The following CNTN6 variants were observed in gnomAD, a reference collection of about 807,000 sequenced individuals.
The protein encoded by CNTN6 is contactin-6.
In CNTN6, 137 loss-of-function variants were observed where a neutral mutation model predicts 122.8. That is an observed-to-expected ratio of 1.12 (90% CI 0.97 to 1.29). The LOEUF (loss-of-function observed/expected upper bound fraction) is 1.29. Ranked by LOEUF, CNTN6 falls within the 50% of genes most tolerant of loss-of-function variation. The pLI is 0.00. For synonymous variants in CNTN6, 570 were observed against 426.0 expected (o/e 1.34, Z -4.16); for missense variants, 1,634 against 1,223.4 (o/e 1.34, Z -5.01).
At chr3:1,389,100 A>T (rs1427965607) in intron 20 of CNTN6, among the ~76,000 whole-genome samples, 1 of 145,508 alleles carries the variant, frequency 6.9e-6, no homozygotes, top group African/African-American at 2.5e-5. Context: ...CAACTCCAAG[A>T]CACATAATTG....
At chr3:1,174,439 A>G (rs1018026805) in intron 2 of CNTN6, among the ~76,000 whole-genome samples, 3 of 152,192 alleles carry the variant, frequency 2.0e-5, no homozygotes, top group African/African-American at 7.2e-5. Context: ...GAAATTTTTT[A>G]GCAGCATCTC....
intron 4 of CNTN6, among the ~76,000 whole-genome samples, chr3:1,275,054 A>G (rs549349422): frequency 3.6e-4 from 55 of 152,272 alleles, no homozygotes; most frequent in African/African-American, 1.3e-3. Context: ...ATCTTTTACA[A>G]GCACATATAA....
intron 1 of CNTN6, among the ~76,000 whole-genome samples, chr3:1,145,124 G>A (rs2125157643): frequency 6.6e-6 from 1 of 152,170 alleles, no homozygotes; most frequent in South Asian, 2.1e-4. Flanking sequence ...CCATGAAGGG[G>A]AACTGAAAGT....
intron 4 of CNTN6, among the ~76,000 whole-genome samples, chr3:1,261,066 T>C (rs1480701301): frequency 6.6e-6 from 1 of 152,130 alleles, no homozygotes; most frequent in Admixed American, 6.5e-5. Flanking sequence ...TAGAGAAACA[T>C]TGGTTTGCCA....
chr3:1,322,208 T>A (rs751153462), intron 8 of CNTN6, among the ~76,000 whole-genome samples: 1 of 151,702 alleles, frequency 6.6e-6, no homozygotes, highest in Non-Finnish European at 1.5e-5. Flanking sequence ...ATGAAAAAAA[T>A]TGATAGGAAA....
chr3:1,104,820 T>A (rs933243328), intron 1 of CNTN6, among the ~76,000 whole-genome samples: 1 of 152,138 alleles, frequency 6.6e-6, no homozygotes, highest in Admixed American at 6.5e-5. Flanking sequence ...TATAGCTTGT[T>A]TTTATTAATT....
chr3:1,169,941 A>G (rs1480574253), intron 2 of CNTN6, among the ~76,000 whole-genome samples: 5 of 152,160 alleles, frequency 3.3e-5, no homozygotes, highest in Non-Finnish European at 7.3e-5. Context: ...TTTATTAGAA[A>G]AAGAATACTT....
rs143264075 is a variant in CNTN6, at chr3:1,110,297, A to G, written c.-83+17177A>G. ...AAAACATATCCAACTCTGCTAAACAATGGAAGAATCTAATCTTTTTTTGAT... is the reference window on the plus strand; with the variant it reads ...AAAACATATCCAACTCTGCTAAACAGTGGAAGAATCTAATCTTTTTTTGAT... On this transcript the variant is annotated intron_variant, in intron 1 of 22. Transcript: ENST00000446702. Among the ~76,000 whole-genome samples, 82 of 152,302 alleles carry G rather than the reference A, an allele frequency of 5.4e-4. 1 individual carries two copies. The highest frequency in any genetic ancestry group is 1.9e-3 in the African/African-American group (80 of 41,590).
chr3:1,184,485 T>G (rs1391518513), intron 2 of CNTN6, among the ~76,000 whole-genome samples: 1 of 152,186 alleles, frequency 6.6e-6, no homozygotes, highest in African/African-American at 2.4e-5. Context: ...TCTTTGAGAT[T>G]AGTATGTATC....
In CNTN6 at chr3:1,202,153, T is replaced by C. The variant is rs532065792; in HGVS notation, c.56-18534T>C. Among the ~76,000 whole-genome samples, 204 of 152,298 alleles carry C rather than the reference T, an allele frequency of 1.3e-3. 2 individuals carry two copies. Among genetic ancestry groups the C allele is most frequent in the African/African-American group, 4.7e-3 (195 of 41,564 alleles). On this transcript the variant is annotated intron_variant, in intron 2 of 22. Coordinates refer to ENST00000446702, the MANE Select transcript of CNTN6 (RefSeq NM_001289080.2). ...CTTATTTCTCTTGTCTGTTTCCCTA[T>C]GGTGAAAAACATAGAAACATGTTGA... is the stretch of plus-strand genomic sequence containing the variant.
chr3:1,402,581 G>A (rs886070594), intron 22 of CNTN6, 95 bp downstream of exon 22: 34 of 1,021,876 alleles, frequency 3.3e-5, no homozygotes, highest in Admixed American at 1.4e-4. Context: ...TGGCTTAAAT[G>A]TTGGGTGATA....
Position 1,098,789 on chromosome 3 carries a change from CATATATATATATAT to C in CNTN6, c.-83+5685_-83+5698del, listed in dbSNP as rs1169127167. 2.8e-4 allele frequency among the ~76,000 whole-genome samples: 18 copies of C among 63,264 alleles called. 1 individual carries two copies. In the East Asian group the frequency reaches 0.012, roughly 41 times the overall value. 41.5% of individuals were successfully genotyped at this position (63,264 alleles called of 152,430 possible). A position where few individuals can be genotyped will look rare whatever the true frequency, so the allele number is the denominator to read the frequency against. ...ACACACACACACACACACACACACA[CATATATATATATAT>C]ATATATATATATATAGTGGGAAATT... On this transcript the variant is annotated intron_variant, in intron 1 of 22. Transcript: ENST00000446702.
At chr3:1,140,955 T>G (rs2092594879) in intron 1 of CNTN6, among the ~76,000 whole-genome samples, 1 of 152,150 alleles carries the variant, frequency 6.6e-6, no homozygotes, top group Admixed American at 6.5e-5. Flanking sequence ...AAACAAAGAA[T>G]TTGATGGCAC....
intron 7 of CNTN6, among the ~76,000 whole-genome samples, chr3:1,311,789 A>AT (rs1465291830): frequency 6.6e-6 from 1 of 151,552 alleles, no homozygotes; most frequent in Non-Finnish European, 1.5e-5. Context: ...TTGTTTGTAA[A>AT]TTTTTTTAAT....
At chr3:1,135,703 G>C (rs546669714) in intron 1 of CNTN6, among the ~76,000 whole-genome samples, 32 of 152,204 alleles carry the variant, frequency 2.1e-4, no homozygotes, top group African/African-American at 5.5e-4. Context: ...TTAAAAAGAA[G>C]TTATGAGGCC....
intron 7 of CNTN6, among the ~76,000 whole-genome samples, chr3:1,317,340 C>G (rs916410514): frequency 6.6e-6 from 1 of 151,718 alleles, no homozygotes; most frequent in African/African-American, 2.4e-5. Flanking sequence ...AGAAACTAAC[C>G]TAGCTAGCAT....
intron 12 of CNTN6, among the ~76,000 whole-genome samples, chr3:1,371,865 T>C (rs567813304): frequency 3.2e-4 from 48 of 152,188 alleles, no homozygotes; most frequent in Non-Finnish European, 5.7e-4. Flanking sequence ...TCTAAATCTC[T>C]ATAGAAACTA....
intron 11 of CNTN6, among the ~76,000 whole-genome samples, chr3:1,341,831 T>G (rs1332991216): frequency 2.0e-5 from 3 of 152,160 alleles, no homozygotes; most frequent in African/African-American, 7.2e-5. Flanking sequence ...GCACTAGTTG[T>G]AAATACAATT....
At chr3:1,370,029 C>T (rs564635271) in intron 12 of CNTN6, among the ~76,000 whole-genome samples, 2 of 151,734 alleles carry the variant, frequency 1.3e-5, no homozygotes, top group African/African-American at 4.8e-5. Context: ...TTTCTCTTAC[C>T]CTTCAACTTC....
Sources: gnomAD v4.1 joint callset for allele counts (sites outside exome capture counted in the v4.1 genomes callset) on GRCh38, gnomAD v4.1.1 for gene constraint, MANE v1.5 for transcripts, NCBI Gene and HGNC (gene_info 2026-07-23, HGNC 2026-07-21) for gene names.